ARPC5: variants seen among roughly 807,000 people sequenced by gnomAD.
The protein encoded by ARPC5 is actin related protein 2/3 complex subunit 5.
ARPC5 carries 5 observed loss-of-function variants against 15.4 expected under a neutral mutation model. That is an observed-to-expected ratio of 0.32 (90% CI 0.17 to 0.68). The LOEUF (loss-of-function observed/expected upper bound fraction) is 0.68. ARPC5 is among the 30% of genes least tolerant of loss of function. The probability of loss-of-function intolerance (pLI) is 0.71; values close to 1 mark genes in which losing one functional copy is unlikely to be tolerated. For missense variants in ARPC5, 138 were observed against 192.8 expected (o/e 0.72, Z 1.68); for synonymous variants, 85 against 72.2 (o/e 1.18, Z -0.90).
chr1:183,621,062 T>G lies in ARPC5; in HGVS notation c.*6470A>C, dbSNP rs145080259. 1.9e-3 allele frequency: 287 copies of G among 152,238 alleles called. 6 individuals carry two copies. The East Asian group carries it at 0.043, about 23-fold the overall frequency. 9.4% of individuals were successfully genotyped at this position (152,238 alleles called of 1,614,324 possible). A position where few individuals can be genotyped will look rare whatever the true frequency, so the allele number is the denominator to read the frequency against. ...GAAAAGATGTGCAATCTCATTTACA[T>G]TAAGAGAAATGCAAATATATGATAC... On this transcript the variant is annotated 3_prime_UTR_variant, in exon 4 of 4. Coordinates refer to ENST00000359856, the MANE Select transcript of ARPC5 (RefSeq NM_005717.4).
At chr1:183,630,731 G>C in intron 2 of ARPC5, 94 bp from the exon 3 acceptor site, 1 of 1,224,112 alleles carries the variant, frequency 8.2e-7, no homozygotes, top group Non-Finnish European at 1.1e-6. Flanking sequence ...TGACATTTGA[G>C]TAAGGACCTG....
chr1:183,621,547 T>C lies in ARPC5; in HGVS notation c.*5985A>G, dbSNP rs1648937334. On this transcript the variant is annotated 3_prime_UTR_variant, in exon 4 of 4. Coordinates refer to ENST00000359856, the MANE Select transcript of ARPC5 (RefSeq NM_005717.4). ...AAGAATTCAAGGCCAGTCTGTAAAG[T>C]TAAAGCAAGTTTATTAAGAAAGTAA... The C allele has an allele frequency of 6.6e-6, 1 of 152,244 alleles. No homozygotes were observed. The highest frequency in any genetic ancestry group is 2.1e-4 in the South Asian group (1 of 4,830). The allele number at this position is 152,244 out of a possible 1,614,324, so 9.4% of individuals were successfully genotyped here. A position where few individuals can be genotyped will look rare whatever the true frequency, so the allele number is the denominator to read the frequency against.
At chr1:183,629,918 C>G (rs1649216736) in intron 3 of ARPC5, among the ~76,000 whole-genome samples, 1 of 152,200 alleles carries the variant, frequency 6.6e-6, no homozygotes, top group Non-Finnish European at 1.5e-5. Flanking sequence ...CTAGTAACCT[C>G]TAAGGACTTT....
Position 183,635,749 on chromosome 1 carries a change from T to C in ARPC5, c.-90A>G. 1 of 1,518,122 alleles carries C rather than the reference T, an allele frequency of 6.6e-7. No homozygotes were observed. The highest frequency in any genetic ancestry group is 2.4e-5 in the East Asian group (1 of 42,028). 94.0% of individuals were successfully genotyped at this position (1,518,122 alleles called of 1,614,324 possible). On this transcript the variant is annotated 5_prime_UTR_variant, in exon 1 of 4. Transcript: ENST00000359856. ...AGCAACCCACTACCCGGCGCCTGAT[T>C]CACTTCCCTCTTCCGCTCTGAGGCG... is the stretch of plus-strand genomic sequence containing the variant.
In ARPC5 at chr1:183,635,529, G is replaced by A. The variant is rs753072111; in HGVS notation, c.131C>T (p.Ser44Phe). Residue 44 changes from serine (S) to phenylalanine (F), a missense_variant, in exon 1 of 4, where the codon TCC (serine) becomes TTC (phenylalanine). Ser to Phe is a radical substitution (Grantham distance 155). Coordinates refer to ENST00000359856, the MANE Select transcript of ARPC5 (RefSeq NM_005717.4). Reference sequence around the variant, plus strand: ...AATGCAAGGATATTGCCGCAGGCAGGAGTCCACCTCGCCCTCGTCGGGCCC... The same window carrying A: ...AATGCAAGGATATTGCCGCAGGCAGAAGTCCACCTCGCCCTCGTCGGGCCC... ...QAGPDEGEVD[S>F]CLRQGNMTAA... 1.2e-6 allele frequency: 2 copies of A among 1,612,260 alleles called. No individual in the cohort carries two copies. The highest frequency in any genetic ancestry group is 1.7e-6 in the Non-Finnish European group (2 of 1,179,492).
intron 1 of ARPC5, 108 bp downstream of exon 1, chr1:183,635,409 G>C: frequency 7.6e-7 from 1 of 1,318,166 alleles, no homozygotes; most frequent in Non-Finnish European, 1.0e-6. Flanking sequence ...CGCAGGTTGA[G>C]AGGGCAGCTC....
chr1:183,630,434 C>A, intron 3 of ARPC5, 27 bp downstream of exon 3: 1 of 1,546,498 alleles, frequency 6.5e-7, no homozygotes, highest in South Asian at 1.2e-5. Flanking sequence ...AAGAACCAGT[C>A]ATATAGATTT....
Position 183,623,480 on chromosome 1 carries a change from A to G in ARPC5, c.*4052T>C, listed in dbSNP as rs933647958. The G allele has an allele frequency of 2.8e-5, 43 of 1,550,176 alleles. No individual in the cohort carries two copies. Among genetic ancestry groups the G allele is most frequent in the Non-Finnish European group, 3.3e-5 (38 of 1,146,844 alleles). On this transcript the variant is annotated 3_prime_UTR_variant, in exon 4 of 4. Coordinates refer to ENST00000359856, the MANE Select transcript of ARPC5 (RefSeq NM_005717.4). ...AATCATACAAGAGGCACCTGCACAG[A>G]ACGTTTTCACATTGGGGTTTTCACA...
Position 183,622,218 on chromosome 1 carries a change from C to G in ARPC5, c.*5314G>C, listed in dbSNP as rs75695253. On this transcript the variant is annotated 3_prime_UTR_variant, in exon 4 of 4. Transcript: ENST00000359856. ...GAATTAAGTGACAATAGTTGGTTGT[C>G]AAAAGAGGAACTAGGGTGGAATGGA... 6.6e-6 allele frequency: 1 copy of G among 152,002 alleles called. No homozygotes were observed. Among genetic ancestry groups the G allele is most frequent in the Non-Finnish European group, 1.5e-5 (1 of 68,010 alleles). The allele number at this position is 152,002 out of a possible 1,614,324, so 9.4% of individuals were successfully genotyped here. A position where few individuals can be genotyped will look rare whatever the true frequency, so the allele number is the denominator to read the frequency against.
chr1:183,633,386 C>A, intron 1 of ARPC5: 4 of 332,064 alleles, frequency 1.2e-5, no homozygotes, highest in East Asian at 1.2e-4. Flanking sequence ...ACCCTTGGTT[C>A]TAACTATCAA....
chr1:183,635,468 G>C (rs912722126), intron 1 of ARPC5, 49 bp downstream of exon 1: 10 of 1,549,808 alleles, frequency 6.5e-6, no homozygotes, highest in Admixed American at 1.9e-5. Flanking sequence ...CCAGGAGAAG[G>C]GCGGGCTGGG....
In ARPC5 at chr1:183,624,682, T is replaced by C. The variant is rs1649043844; in HGVS notation, c.*2850A>G. ...GGATTAGTTCAAATTAATGTCTCAC[T>C]TTAAATACTCTGATCCACCCTGATT... On this transcript the variant is annotated 3_prime_UTR_variant, in exon 4 of 4. Transcript: ENST00000359856. 1.3e-5 allele frequency: 2 copies of C among 149,970 alleles called. No individual in the cohort carries two copies. Among genetic ancestry groups the C allele is most frequent in the African/African-American group, 5.1e-5 (2 of 39,430 alleles). The allele number at this position is 149,970 out of a possible 1,614,324, so 9.3% of individuals were successfully genotyped here.
At position 183,621,262 on chromosome 1, in the gene ARPC5, C is replaced by T. The variant is rs1648927131; in HGVS notation, c.*6270G>A. On this transcript the variant is annotated 3_prime_UTR_variant, in exon 4 of 4. Transcript: ENST00000359856. The stretch of plus-strand genomic sequence containing the variant: ...CTCCCTTAAATGCCCTCCAACTGAC[C>T]TTAACTTTCACTTTTAGGAATTGAT... The T allele has an allele frequency of 6.6e-6, 1 of 152,164 alleles. No individual in the cohort carries two copies. Among genetic ancestry groups the T allele is most frequent in the Non-Finnish European group, 1.5e-5 (1 of 68,032 alleles). 9.4% of individuals were successfully genotyped at this position (152,164 alleles called of 1,614,324 possible).
rs35022531 is a variant in ARPC5, at chr1:183,621,960, AT to A, written c.*5571del. The A allele has an allele frequency of 1.1e-4, 17 of 152,336 alleles. 1 individual carries two copies. In the East Asian group the frequency reaches 2.9e-3, roughly 26 times the overall value. The allele number at this position is 152,336 out of a possible 1,614,324, so 9.4% of individuals were successfully genotyped here. ...ATGCAGCCCAGTAGGTCTCAGCCTT[AT>A]TTTACCCAGCTTCTATTCAAGAAGG... On this transcript the variant is annotated 3_prime_UTR_variant, in exon 4 of 4. Transcript: ENST00000359856.
At chr1:183,631,565 GTGAGACTCCGTCTCAAAAA>G (rs1649266869) in intron 2 of ARPC5, 1 of 128,364 alleles carries the variant, frequency 7.8e-6, no homozygotes, top group Non-Finnish European at 1.6e-5. Context: ...GGGTGATAGA[GTGAGACTCCGTCTCAAAAA>G]AAAAAAAAAA....
In ARPC5 at chr1:183,626,115, A is replaced by G. The variant is rs932257703; in HGVS notation, c.*1417T>C. The G allele has an allele frequency of 6.6e-6, 1 of 152,238 alleles. No individual in the cohort carries two copies. Among genetic ancestry groups the G allele is most frequent in the African/African-American group, 2.4e-5 (1 of 41,470 alleles). The allele number at this position is 152,238 out of a possible 1,614,324, so 9.4% of individuals were successfully genotyped here. A position where few individuals can be genotyped will look rare whatever the true frequency, so the allele number is the denominator to read the frequency against. On this transcript the variant is annotated 3_prime_UTR_variant, in exon 4 of 4. Transcript: ENST00000359856. ...CTACCAAACTGTTCTTGTTAAGAGT[A>G]CAGTACTTGGTGGTAGAAGCAGAAA...
In ARPC5 at chr1:183,630,673, A is replaced by T. The variant is rs569367324; in HGVS notation, c.217-36T>A. On this transcript the variant is annotated intron_variant, in intron 2 of 3. Transcript: ENST00000359856. ...AATAAATAACAGAACATTTAGACAT[A>T]TCTGTATGAGGAGGGTTTAGAATTT... 39 of 1,583,280 alleles carry T rather than the reference A, an allele frequency of 2.5e-5. 1 individual carries two copies. The South Asian group carries it at 4.5e-4, about 18-fold the overall frequency.
Position 183,625,819 on chromosome 1 carries a change from C to T in ARPC5, c.*1713G>A, listed in dbSNP as rs1027040803. The T allele has an allele frequency of 1.3e-5, 2 of 152,180 alleles. No homozygotes were observed. The highest frequency in any genetic ancestry group is 1.3e-4 in the Admixed American group (2 of 15,286). 9.4% of individuals were successfully genotyped at this position (152,180 alleles called of 1,614,324 possible). A position where few individuals can be genotyped will look rare whatever the true frequency, so the allele number is the denominator to read the frequency against. ...AGTGGGAATCTAGTCAGGTGAAGAT[C>T]GAAAGCAAACAGAAGTCGCTGTGAG... On this transcript the variant is annotated 3_prime_UTR_variant, in exon 4 of 4. Coordinates refer to ENST00000359856, the MANE Select transcript of ARPC5 (RefSeq NM_005717.4).
chr1:183,627,231 G>T lies in ARPC5; in HGVS notation c.*301C>A, dbSNP rs112750148. 661 of 258,654 alleles carry T rather than the reference G, an allele frequency of 2.6e-3. 6 individuals carry two copies. Among genetic ancestry groups the T allele is most frequent in the African/African-American group, 0.014 (617 of 44,756 alleles). The allele number at this position is 258,654 out of a possible 1,614,324, so 16.0% of individuals were successfully genotyped here. A position where few individuals can be genotyped will look rare whatever the true frequency, so the allele number is the denominator to read the frequency against. ...CAGAACAAAAAACCAGCCAACAGGG[G>T]TTAAAAGTTGCACAATTAAACTTGA... On this transcript the variant is annotated 3_prime_UTR_variant, in exon 4 of 4. Transcript: ENST00000359856.
Sources: gnomAD v4.1 joint callset for allele counts (sites outside exome capture counted in the v4.1 genomes callset) on GRCh38, gnomAD v4.1.1 for gene constraint, MANE v1.5 for transcripts, NCBI Gene and HGNC (gene_info 2026-07-23, HGNC 2026-07-21) for gene names.